ERAP2: variants seen among roughly 807,000 people sequenced by gnomAD.
ERAP2 encodes leukocyte-derived arginine aminopeptidase.
ERAP2 carries 118 observed loss-of-function variants against 111.1 expected under a neutral mutation model. That is an observed-to-expected ratio of 1.06 (90% CI 0.92 to 1.24). ERAP2 has a LOEUF of 1.24. ERAP2 is among the 50% of genes most tolerant of loss of function. ERAP2 has a pLI of 0.00. For missense variants in ERAP2, 1,131 were observed against 1,125.8 expected, an observed-to-expected ratio of 1.00 and a Z score of -0.07; for synonymous variants, 410 against 401.2, an observed-to-expected ratio of 1.02 and a Z score of -0.26.
At chr5:96,907,672 A>G (rs1272249985) in intron 13 of ERAP2, among the ~76,000 whole-genome samples, 2 of 151,946 alleles carry the variant, frequency 1.3e-5, no homozygotes, top group South Asian at 4.1e-4. Flanking sequence ...ACCTGAGGTC[A>G]GGAGTTCAAG....
chr5:96,892,238 G>A (rs1406661124), intron 5 of ERAP2, 61 bp from the exon 6 acceptor site: 3 of 1,562,316 alleles, frequency 1.9e-6, no homozygotes, highest in South Asian at 1.1e-5. Context: ...TGAGCAGAGA[G>A]CAAATTCTAT....
intron 6 of ERAP2, among the ~76,000 whole-genome samples, chr5:96,892,863 C>T (rs192213677): frequency 1.3e-5 from 2 of 152,270 alleles, no homozygotes; most frequent in African/African-American, 2.4e-5. Context: ...CAGTTGGAAC[C>T]TGTGCTTACA....
chr5:96,894,456 T>C (rs562382782), intron 6 of ERAP2, among the ~76,000 whole-genome samples: 1 of 152,144 alleles, frequency 6.6e-6, no homozygotes, highest in South Asian at 2.1e-4. Flanking sequence ...TAGAATCTTA[T>C]TGTTGAAGCT....
chr5:96,880,110 A>G lies in ERAP2; in HGVS notation c.425A>G (p.Tyr142Cys). The G allele has an allele frequency of 6.2e-7, 1 of 1,614,180 alleles. No homozygotes were observed. Among genetic ancestry groups the G allele is most frequent in the Non-Finnish European group, 8.5e-7 (1 of 1,180,024 alleles). ...KPGKELKVLS[Y>C]PAHEQIALLV... ...GGAAAAGAACTGAAAGTTTTGAGTT[A>G]CCCTGCTCATGAACAAATTGCACTG... The change falls in exon 2 of 19, where the codon TAC (tyrosine) becomes TGC (cysteine). Residue 142 changes from tyrosine to cysteine, a missense_variant. Around this residue, in one of 3 missense-constraint regions of ERAP2, gnomAD observed 847 missense variants for 856.5 expected, o/e 0.99. Coordinates refer to ENST00000437043, the MANE Select transcript of ERAP2 (RefSeq NM_022350.5).
chr5:96,911,100 T>C (rs184350081), intron 15 of ERAP2, among the ~76,000 whole-genome samples: 4 of 152,356 alleles, frequency 2.6e-5, no homozygotes, highest in East Asian at 3.9e-4. Context: ...ATTAGAATCA[T>C]AGGGTTAAAT....
intron 13 of ERAP2, 68 bp downstream of exon 13, chr5:96,903,628 T>C (rs899852345): frequency 2.2e-6 from 3 of 1,382,830 alleles, no homozygotes; most frequent in Admixed American, 4.6e-5. Flanking sequence ...TAGACTTCAA[T>C]ATTGAATGTT....
chr5:96,906,677 GACA>G (rs1384527241), intron 13 of ERAP2, among the ~76,000 whole-genome samples: 1 of 152,174 alleles, frequency 6.6e-6, no homozygotes, highest in African/African-American at 2.4e-5. Context: ...GAATTGAAAT[GACA>G]ACTTCAATTT....
chr5:96,891,535 T>C (rs200955922), intron 5 of ERAP2, among the ~76,000 whole-genome samples: 2,085 of 138,996 alleles, frequency 0.015, 75 homozygotes, highest in East Asian at 0.079. Flanking sequence ...ACGGTATATA[T>C]ACACACACAC....
chr5:96,904,997 T>A (rs1785893046), intron 13 of ERAP2, among the ~76,000 whole-genome samples: 1 of 151,542 alleles, frequency 6.6e-6, no homozygotes. Context: ...TTTAACCTTT[T>A]TAAGCCTAAA....
At chr5:96,917,392 A>T in intron 18 of ERAP2, 70 bp from the exon 19 acceptor site, 2 of 1,287,772 alleles carry the variant, frequency 1.6e-6, no homozygotes, top group East Asian at 3.1e-5. Flanking sequence ...AAGTGCTGGG[A>T]TTACAGGTGT....
chr5:96,901,553 A>G lies in ERAP2; in HGVS notation c.1620A>G (p.Thr540=). 1.2e-6 allele frequency: 2 copies of G among 1,614,068 alleles called. No homozygotes were observed. The highest frequency in any genetic ancestry group is 1.7e-6 in the Non-Finnish European group (2 of 1,179,958). Residue 540 remains threonine, a synonymous_variant, in exon 11 of 19, where the codon ACA becomes ACG. Transcript: ENST00000437043. Reference sequence around the variant, plus strand: ...CAGAGGTCAAAGAGATGATGACTACATGGACTCTCCAGAAAGGAATCCCCC... The same window carrying G: ...CAGAGGTCAAAGAGATGATGACTACGTGGACTCTCCAGAAAGGAATCCCCC... ...ENAEVKEMMT[T]WTLQKGIPLL...
chr5:96,912,145 C>T lies in ERAP2; in HGVS notation c.2355-492C>T, dbSNP rs1240426194. On this transcript the variant is annotated intron_variant, in intron 15 of 18. Coordinates refer to ENST00000437043, the MANE Select transcript of ERAP2 (RefSeq NM_022350.5). The stretch of plus-strand genomic sequence containing the variant: ...GGCGGAGCCTGCAGTGAGCCCAGAT[C>T]GCGCCACTGCACTCCAGCTTGGGCG... Among the ~76,000 whole-genome samples the T allele has an allele frequency of 9.6e-5, 14 of 146,318 alleles. No homozygotes were observed. The East Asian group carries it at 2.2e-3, about 23-fold the overall frequency.
chr5:96,904,923 C>T (rs1785879564), intron 13 of ERAP2, among the ~76,000 whole-genome samples: 1 of 152,122 alleles, frequency 6.6e-6, no homozygotes, highest in African/African-American at 2.4e-5. Flanking sequence ...ATGAAAATTT[C>T]AAGAAGATTT....
In ERAP2 at chr5:96,886,801, T is replaced by C. The variant is rs200334484; in HGVS notation, c.849+12T>C. 2.7e-6 allele frequency: 4 copies of C among 1,473,056 alleles called. No individual in the cohort carries two copies. Among genetic ancestry groups the C allele is most frequent in the Non-Finnish European group, 3.7e-6 (4 of 1,090,452 alleles). 91.2% of individuals were successfully genotyped at this position (1,473,056 alleles called of 1,614,324 possible). A position where few individuals can be genotyped will look rare whatever the true frequency, so the allele number is the denominator to read the frequency against. Reference sequence around the variant, plus strand: ...CATCAGGGGTCAAGGTGAGACTGAGTTCTAACGTTCTACGCAGTGCAGAAA... The same window carrying C: ...CATCAGGGGTCAAGGTGAGACTGAGCTCTAACGTTCTACGCAGTGCAGAAA... On this transcript the variant is annotated intron_variant, in intron 4 of 18. Coordinates refer to ENST00000437043, the MANE Select transcript of ERAP2 (RefSeq NM_022350.5).
At chr5:96,881,793 A>G (rs1356604903) in intron 2 of ERAP2, among the ~76,000 whole-genome samples, 1 of 152,180 alleles carries the variant, frequency 6.6e-6, no homozygotes, top group Non-Finnish European at 1.5e-5. Context: ...GATAAGGGCA[A>G]AAAGAAACAT....
intron 4 of ERAP2, among the ~76,000 whole-genome samples, chr5:96,887,107 A>ATG (rs1381888032): frequency 2.7e-5 from 1 of 37,644 alleles, no homozygotes; most frequent in African/African-American, 7.6e-5. Context: ...ATATACACAC[A>ATG]CACACACACA....
intron 2 of ERAP2, chr5:96,881,106 A>G (rs1208875696): frequency 3.8e-6 from 1 of 260,672 alleles, no homozygotes; most frequent in African/African-American, 2.2e-5. Flanking sequence ...GGAGAAAGGG[A>G]TCAGATCATG....
In ERAP2 at chr5:96,903,665, A is replaced by C. The variant is rs955226027; in HGVS notation, c.2012+105A>C. 1.8e-5 allele frequency: 19 copies of C among 1,073,842 alleles called. No individual in the cohort carries two copies. The Admixed American group carries it at 4.8e-4, about 27-fold the overall frequency. 66.5% of individuals were successfully genotyped at this position (1,073,842 alleles called of 1,614,324 possible). A position where few individuals can be genotyped will look rare whatever the true frequency, so the allele number is the denominator to read the frequency against. Reference sequence around the variant, plus strand: ...AACATTGGTCATTGATTTAATATGGATTTGAATGGAATTCAAACAGTGATC... The same window carrying C: ...AACATTGGTCATTGATTTAATATGGCTTTGAATGGAATTCAAACAGTGATC... On this transcript the variant is annotated intron_variant, in intron 13 of 18. Transcript: ENST00000437043.
At position 96,913,371 on chromosome 5, in the gene ERAP2, T is replaced by C. The variant is rs756593291; in HGVS notation, c.2571T>C (p.Ala857=). Residue 857 remains alanine (A), a synonymous_variant, in exon 17 of 19, where the codon GCT becomes GCC. Coordinates refer to ENST00000437043, the MANE Select transcript of ERAP2 (RefSeq NM_022350.5). ...GKVIKTQNLA[A]LLHAIARRPK... is the part of the protein sequence containing the mutation. ...TTATCAAGACACAGAACTTGGCAGC[T>C]CTCCTTCATGCGATTGCCAGACGTC... 1.2e-6 allele frequency: 2 copies of C among 1,614,072 alleles called. No homozygotes were observed. Among genetic ancestry groups the C allele is most frequent in the African/African-American group, 1.3e-5 (1 of 75,042 alleles).
Sources: gnomAD v4.1 joint callset for allele counts (sites outside exome capture counted in the v4.1 genomes callset) on GRCh38, gnomAD v4.1.1 for gene constraint, gnomAD v4.1.1 regional missense constraint, MANE v1.5 for transcripts, NCBI Gene and HGNC (gene_info 2026-07-23, HGNC 2026-07-21) for gene names.